Variants in LPP observed in about 807,000 individuals in gnomAD.
The protein encoded by LPP is LIM domain containing preferred translocation partner in lipoma, also known as lipoma-preferred partner.
LPP carries 38 observed loss-of-function variants against 60.4 expected under a neutral mutation model. That is an observed-to-expected ratio of 0.63 (90% confidence interval 0.49 to 0.83). The LOEUF is 0.83. LPP is among the 40% of genes least tolerant of loss of function. The pLI, the probability that LPP is intolerant of heterozygous loss-of-function variation, is 0.00. For missense variants in LPP, 902 were observed against 783.6 expected (o/e 1.15, Z -1.80); for synonymous variants, 328 against 290.8 (o/e 1.13, Z -1.30).
At chr3:188,745,639 A>G (rs1253625675) in intron 8 of LPP, among the ~76,000 whole-genome samples, 4 of 152,162 alleles carry the variant, frequency 2.6e-5, no homozygotes, top group Admixed American at 2.6e-4. Context: ...CATCTTTCAA[A>G]CTTTAAGTCA....
chr3:188,251,356 G>C (rs2149575807), intron 2 of LPP, among the ~76,000 whole-genome samples: 1 of 151,950 alleles, frequency 6.6e-6, no homozygotes, highest in East Asian at 2.0e-4. Context: ...CTCTGTCCCA[G>C]CCATGAAGTC....
Position 188,628,519 on chromosome 3 carries a change from GA to G in LPP, c.1113+18678del, listed in dbSNP as rs1401918540. ...CCTAGAAGAAATGAATAAATTCCTG[GA>G]AACATAAAACCTCACAAGATTGAAG... is the stretch of plus-strand genomic sequence containing the variant. On this transcript the variant is annotated intron_variant, in intron 7 of 11. Coordinates refer to ENST00000617246, the MANE Select transcript of LPP (RefSeq NM_001375462.1). Among the ~76,000 whole-genome samples the G allele has an allele frequency of 1.8e-4, 28 of 151,988 alleles. 1 individual carries two copies. The highest frequency in any genetic ancestry group is 2.9e-5 in the Non-Finnish European group (2 of 67,958).
At chr3:188,659,283 A>G (rs187923496) in intron 7 of LPP, among the ~76,000 whole-genome samples, 184 of 152,332 alleles carry the variant, frequency 1.2e-3, no homozygotes, top group Non-Finnish European at 1.1e-3. Context: ...TGATTATCAA[A>G]GTCAGGAGAC....
In LPP at chr3:188,182,524, T is replaced by C. The variant is rs1725320707; in HGVS notation, c.-190+28272T>C. Among the ~76,000 whole-genome samples the C allele has an allele frequency of 6.6e-6, 1 of 152,100 alleles. No individual in the cohort carries two copies. Among genetic ancestry groups the C allele is most frequent in the African/African-American group, 2.4e-5 (1 of 41,432 alleles). ...CCTAGTGAGACCTATGTGGCTGCCA[T>C]TGTTTTTGGCTGGGAGTGGTTGTGA... On this transcript the variant is annotated intron_variant, in intron 1 of 11. Transcript: ENST00000617246. The surrounding 1 kb of genome is among the most constrained non-coding windows in gnomAD (Gnocchi z 4.4).
At chr3:188,816,275 C>T (rs1177208948) in intron 9 of LPP, among the ~76,000 whole-genome samples, 2 of 145,558 alleles carry the variant, frequency 1.4e-5, no homozygotes, top group Non-Finnish European at 3.0e-5. Flanking sequence ...GATCTTGGCT[C>T]ACTCCAAGCT....
At chr3:188,707,547 G>A (rs530607396) in intron 7 of LPP, among the ~76,000 whole-genome samples, 64 of 152,080 alleles carry the variant, frequency 4.2e-4, no homozygotes, top group Non-Finnish European at 7.8e-4. Context: ...TTTGAAATCT[G>A]GCTGTTTGCA....
intron 9 of LPP, among the ~76,000 whole-genome samples, chr3:188,834,525 C>T (rs540380670): frequency 1.3e-5 from 2 of 152,040 alleles, no homozygotes; most frequent in East Asian, 3.9e-4. Flanking sequence ...CCTGCTTTCT[C>T]ATCTTTGATC....
chr3:188,295,831 T>A (rs1747699007), intron 2 of LPP, among the ~76,000 whole-genome samples: 1 of 152,166 alleles, frequency 6.6e-6, no homozygotes, highest in Non-Finnish European at 1.5e-5. Flanking sequence ...CAGCCTTTAT[T>A]TTGTTTTTAA....
At chr3:188,791,024 A>G (rs1195575623) in intron 9 of LPP, among the ~76,000 whole-genome samples, 6 of 152,226 alleles carry the variant, frequency 3.9e-5, no homozygotes, top group Middle Eastern at 6.8e-3. Flanking sequence ...CTGCTTAGGC[A>G]GAAGCCTTGC....
chr3:188,281,349 C>G (rs1429752305), intron 2 of LPP, among the ~76,000 whole-genome samples: 1 of 151,904 alleles, frequency 6.6e-6, no homozygotes, highest in Non-Finnish European at 1.5e-5. Flanking sequence ...CACCTGTAAT[C>G]CCAGCATTTT....
At chr3:188,840,557 G>A (rs1759690814) in intron 9 of LPP, among the ~76,000 whole-genome samples, 1 of 152,132 alleles carries the variant, frequency 6.6e-6, no homozygotes. Context: ...GGAGTGCAGT[G>A]GTGCAATCAT....
intron 2 of LPP, among the ~76,000 whole-genome samples, chr3:188,326,079 A>G (rs1286946945): frequency 2.0e-5 from 3 of 152,220 alleles, no homozygotes; most frequent in African/African-American, 4.8e-5. Context: ...CTGTGTGCAG[A>G]CACAGATCTT....
intron 3 of LPP, among the ~76,000 whole-genome samples, chr3:188,350,190 A>G (rs964742179): frequency 6.6e-6 from 1 of 152,140 alleles, no homozygotes; most frequent in African/African-American, 2.4e-5. Flanking sequence ...TTGCTAAGAA[A>G]TTGAAGGAGG....
rs141331856 is a variant in LPP at position 188,358,461 on chromosome 3, C to G, written c.-10+16742C>G. Among the ~76,000 whole-genome samples the G allele has an allele frequency of 2.2e-3, 342 of 152,272 alleles. 2 individuals carry two copies. The highest frequency in any genetic ancestry group is 7.9e-3 in the African/African-American group (330 of 41,544). ...AACTATAACTTAAAGTAGATAGAAACTTGCAGAGAAAGTTCAGAGAAGAAA... is the reference window on the plus strand; with the variant it reads ...AACTATAACTTAAAGTAGATAGAAAGTTGCAGAGAAAGTTCAGAGAAGAAA... On this transcript the variant is annotated intron_variant, in intron 3 of 11. Transcript: ENST00000617246.
At chr3:188,759,304 G>T (rs9819513) in intron 8 of LPP, 12,032 of 152,268 alleles carry the variant, frequency 0.079, 663 homozygotes, top group East Asian at 0.15. Flanking sequence ...CTGGAGCTTC[G>T]CAGAATACTG....
chr3:188,179,141 C>A, intron 1 of LPP: 1 of 399,922 alleles, frequency 2.5e-6, no homozygotes, highest in Non-Finnish European at 5.0e-6. Context: ...GATATGGGGT[C>A]TACATATTCC....
At chr3:188,655,300 A>T (rs1473968) in intron 7 of LPP, among the ~76,000 whole-genome samples, 2 of 152,244 alleles carry the variant, frequency 1.3e-5, no homozygotes, top group South Asian at 4.1e-4. Context: ...GCAGCACGTT[A>T]AAAAGTGCCA....
intron 3 of LPP, among the ~76,000 whole-genome samples, chr3:188,369,204 A>C (rs1466406489): frequency 1.3e-5 from 2 of 152,196 alleles, no homozygotes; most frequent in Non-Finnish European, 2.9e-5. Flanking sequence ...TGCTAGGTTT[A>C]ACCTAGTGAT....
Position 188,473,477 on chromosome 3 carries a change from C to T in LPP, c.194-11115C>T, listed in dbSNP as rs566534771. On this transcript the variant is annotated intron_variant, in intron 4 of 11. Transcript: ENST00000617246. ...TCAATGATTCTTAACCAGCGCTATACGCCAGAATCATTGAAGGAGCTTTGC... is the reference window on the plus strand; with the variant it reads ...TCAATGATTCTTAACCAGCGCTATATGCCAGAATCATTGAAGGAGCTTTGC... Among the ~76,000 whole-genome samples, 37 of 152,224 alleles carry T rather than the reference C, an allele frequency of 2.4e-4. 1 individual carries two copies. Among genetic ancestry groups the T allele is most frequent in the African/African-American group, 5.3e-4 (22 of 41,534 alleles).
Sources: gnomAD v4.1 joint callset for allele counts (sites outside exome capture counted in the v4.1 genomes callset) on GRCh38, gnomAD v4.1.1 for gene constraint, Gnocchi (gnomAD v3.1) non-coding constraint, MANE v1.5 for transcripts, NCBI Gene and HGNC (gene_info 2026-07-23, HGNC 2026-07-21) for gene names.